The following PET100 variants were observed in gnomAD, a reference collection of about 807,000 sequenced individuals.
The protein encoded by PET100 is PET100 cytochrome c oxidase chaperone.
PET100 carries 13 observed loss-of-function variants against 13.6 expected under a neutral mutation model. The observed-to-expected ratio is 0.96, with a 90% CI of 0.62 to 1.52. The LOEUF (loss-of-function observed/expected upper bound fraction) is 1.52, where lower values mean the gene tolerates loss of function less well. PET100 is among the 40% of genes most tolerant of loss of function. PET100 has a pLI of 0.00. For missense variants in PET100, 94 were observed against 95.3 expected, an observed-to-expected ratio of 0.99 and a Z score of 0.06; for synonymous variants, 28 against 30.8, an observed-to-expected ratio of 0.91 and a Z score of 0.30.
chr19:7,630,689 A>G, intron 2 of PET100, 30 bp downstream of exon 2: 1 of 1,533,890 alleles, frequency 6.5e-7, no homozygotes, highest in Non-Finnish European at 8.7e-7. Context: ...TTGAGGGTTC[A>G]TTCCAGGGGT....
At chr19:7,629,909 G>C in intron 1 of PET100, 49 bp downstream of exon 1, 1 of 1,486,590 alleles carries the variant, frequency 6.7e-7, no homozygotes, top group Non-Finnish European at 8.9e-7. Context: ...GGATCTTCCT[G>C]GATCTGAAGA....
At position 7,631,526 on chromosome 19, in the gene PET100, G is replaced by A; in HGVS notation, c.192G>A (p.Lys64=). ...KERLRKRREE[K]LLRDAQQNS is the part of the protein sequence containing the mutation. The stretch of plus-strand genomic sequence containing the variant: ...GGTTACGGAAGCGGCGGGAGGAGAA[G>A]CTCCTTCGCGACGCCCAGCAGAACT... The change falls in exon 4 of 4, where the codon AAG becomes AAA. Residue 64 remains lysine (K), a synonymous_variant. Transcript: ENST00000594797. 1.3e-6 allele frequency: 2 copies of A among 1,536,000 alleles called. No homozygotes were observed. Among genetic ancestry groups the A allele is most frequent in the Non-Finnish European group, 1.7e-6 (2 of 1,146,722 alleles).
chr19:7,631,761 G>T lies in PET100; in HGVS notation c.*205G>T. 3 of 1,429,524 alleles carry T rather than the reference G, an allele frequency of 2.1e-6. No individual in the cohort carries two copies. The highest frequency in any genetic ancestry group is 2.8e-6 in the Non-Finnish European group (3 of 1,088,178). 88.6% of individuals were successfully genotyped at this position (1,429,524 alleles called of 1,614,324 possible). ...CGAGAGCGGTCGGGTCCTGAGGGGT[G>T]AGCAGGGGTTGGGGACTGAGGGTCC... On this transcript the variant is annotated 3_prime_UTR_variant, in exon 4 of 4. Transcript: ENST00000594797.
At chr19:7,630,702 G>A in intron 2 of PET100, 43 bp downstream of exon 2, 1 of 1,532,504 alleles carries the variant, frequency 6.5e-7, no homozygotes, top group South Asian at 1.2e-5. Flanking sequence ...CCAGGGGTGG[G>A]AGAGGGTGTG....
chr19:7,631,029 C>A (rs761538765), intron 3 of PET100, 183 bp downstream of exon 3: 4 of 814,832 alleles, frequency 4.9e-6, no homozygotes, highest in Non-Finnish European at 7.7e-6. Context: ...GCCAACATGG[C>A]GAAACCCCAT....
intron 1 of PET100, chr19:7,630,252 G>A: frequency 2.2e-6 from 1 of 460,250 alleles, no homozygotes; most frequent in Non-Finnish European, 3.9e-6. Context: ...GTTTGGGGGT[G>A]CTCCCGGGAT....
chr19:7,631,856 C>T lies in PET100; in HGVS notation c.*300C>T, dbSNP rs768618227. The T allele has an allele frequency of 2.0e-5, 28 of 1,369,582 alleles. No individual in the cohort carries two copies. Among genetic ancestry groups the T allele is most frequent in the Admixed American group, 1.4e-4 (5 of 35,556 alleles). 84.8% of individuals were successfully genotyped at this position (1,369,582 alleles called of 1,614,324 possible). ...CAGGGGGAGGGCTCAAGGGCAGTGC[C>T]GGCCACAGGTGGCGAACAATGGAGA... On this transcript the variant is annotated 3_prime_UTR_variant, in exon 4 of 4. Transcript: ENST00000594797.
At chr19:7,631,170 C>G (rs1224932665) in intron 3 of PET100, 5 of 1,181,492 alleles carry the variant, frequency 4.2e-6, no homozygotes, top group Non-Finnish European at 4.5e-6. Context: ...GATCACGCCA[C>G]TGCACTCCAG....
intron 1 of PET100, chr19:7,630,106 G>A: frequency 1.9e-6 from 1 of 513,364 alleles, no homozygotes. Context: ...CTCAGAGAGG[G>A]GTGAGCTGAG....
At chr19:7,630,220 G>A (rs2031245074) in intron 1 of PET100, 1 of 456,778 alleles carries the variant, frequency 2.2e-6, no homozygotes, top group South Asian at 2.9e-5. Flanking sequence ...GAGAAGTGGA[G>A]TTGAAGAGTG....
rs1056072168 is a variant in PET100 at position 7,630,845 on chromosome 19, A to G, written c.137A>G (p.Lys46Arg). ...QRKRELWPPEKLQEIEEFKER... is the reference protein window; with the variant it reads ...QRKRELWPPERLQEIEEFKER... ...CAGAGGGAGCTGTGGCCACCTGAGA[A>G]GGTAAGTGATCTCTTCTTCCTGCCA... Residue 46 changes from lysine to arginine, a missense_variant and splice_region_variant, in exon 3 of 4, where the codon AAG becomes AGG. Coordinates refer to ENST00000594797, the MANE Select transcript of PET100 (RefSeq NM_001171155.2). 22 of 1,537,092 alleles carry G rather than the reference A, an allele frequency of 1.4e-5. No homozygotes were observed. The highest frequency in any genetic ancestry group is 2.0e-5 in the Admixed American group (1 of 50,982).
chr19:7,631,700 G>C lies in PET100; in HGVS notation c.*144G>C, dbSNP rs1442705336. 6.2e-6 allele frequency: 9 copies of C among 1,455,426 alleles called. No individual in the cohort carries two copies. The highest frequency in any genetic ancestry group is 1.5e-5 in the South Asian group (1 of 66,708). 90.2% of individuals were successfully genotyped at this position (1,455,426 alleles called of 1,614,324 possible). A position where few individuals can be genotyped will look rare whatever the true frequency, so the allele number is the denominator to read the frequency against. ...GATGCCTCAGGCCCTCAGGGGGCTT[G>C]TGTCGGGGGCTGGGGGCTGCTGTTC... is the stretch of plus-strand genomic sequence containing the variant. On this transcript the variant is annotated 3_prime_UTR_variant, in exon 4 of 4. Transcript: ENST00000594797.
At chr19:7,630,050 G>A (rs897101091) in intron 1 of PET100, 190 bp downstream of exon 1, 2 of 692,776 alleles carry the variant, frequency 2.9e-6, no homozygotes, top group Non-Finnish European at 4.5e-6. Context: ...CTCGGATTTG[G>A]GCTTCTGGGT....
At position 7,629,851 on chromosome 19, in the gene PET100, G is replaced by A. The variant is rs2031233364; in HGVS notation, c.18G>A (p.Glu6=). ...GAAACGAGATGGGGGTGAAGCTGGA[G>A]ATATTTCGGGTCAGTGGACACAGGA... is the stretch of plus-strand genomic sequence containing the variant. MGVKL[E]IFRMIIYLTF... is the part of the protein sequence containing the mutation. The change falls in exon 1 of 4, where the codon GAG becomes GAA. Residue 6 remains glutamate, a synonymous_variant. Coordinates refer to ENST00000594797, the MANE Select transcript of PET100 (RefSeq NM_001171155.2). The A allele has an allele frequency of 6.5e-7, 1 of 1,535,384 alleles. No individual in the cohort carries two copies. The highest frequency in any genetic ancestry group is 8.7e-7 in the Non-Finnish European group (1 of 1,146,092).
At chr19:7,630,067 G>C in intron 1 of PET100, 1 of 571,034 alleles carries the variant, frequency 1.8e-6, no homozygotes, top group Non-Finnish European at 2.9e-6. Flanking sequence ...GGGTTTGGGG[G>C]CTGTGAGAGG....
chr19:7,630,439 G>C (rs892906257), intron 1 of PET100, 134 bp from the exon 2 acceptor site: 2 of 690,156 alleles, frequency 2.9e-6, no homozygotes, highest in Non-Finnish European at 5.0e-6. Flanking sequence ...ACCCTTGGTG[G>C]GAGTTCTGGG....
At chr19:7,630,039 T>A in intron 1 of PET100, 179 bp downstream of exon 1, 1 of 582,028 alleles carries the variant, frequency 1.7e-6, no homozygotes, top group Non-Finnish European at 2.6e-6. Flanking sequence ...CTGGGGGGGT[T>A]CTCGGATTTG....
At chr19:7,630,330 CTG>C in intron 1 of PET100, 4 of 561,888 alleles carry the variant, frequency 7.1e-6, no homozygotes, top group East Asian at 3.0e-5. Flanking sequence ...GTCTGTGTGT[CTG>C]TCTGTGTTTG....
chr19:7,630,581 C>T lies in PET100; in HGVS notation c.36C>T (p.Ile12=). ...ACCCTCTGCCATTCCAGATGATAAT[C>T]TACCTCACTTTCCCTGTGGCTATGT... The part of the protein sequence containing the change: ...GVKLEIFRMI[I]YLTFPVAMFW... Residue 12 remains isoleucine (I), a synonymous_variant, in exon 2 of 4, where the codon ATC becomes ATT. Transcript: ENST00000594797. 1 of 1,536,888 alleles carries T rather than the reference C, an allele frequency of 6.5e-7. No individual in the cohort carries two copies. The highest frequency in any genetic ancestry group is 8.7e-7 in the Non-Finnish European group (1 of 1,146,570).
Sources: allele counts gnomAD v4.1 joint callset, GRCh38; gene constraint gnomAD v4.1.1; transcripts MANE v1.5; gene names NCBI Gene and HGNC (gene_info 2026-07-23, HGNC 2026-07-21).